Variants in ADAMTS5 observed in about 807,000 individuals in gnomAD.
ADAMTS5 encodes ADAM metallopeptidase with thrombospondin type 1 motif 5, also known as A disintegrin and metalloproteinase with thrombospondin motifs 5.
A neutral mutation model predicts 81.4 loss-of-function variants in ADAMTS5; 54 were observed. The observed-to-expected ratio is 0.66, with a 90% confidence interval of 0.53 to 0.83. The LOEUF (loss-of-function observed/expected upper bound fraction) is 0.83, where lower values mean the gene tolerates loss of function less well. ADAMTS5 is among the 40% of genes least tolerant of loss of function. The pLI, the probability that ADAMTS5 is intolerant of heterozygous loss-of-function variation, is 0.00. For synonymous variants in ADAMTS5, 532 were observed against 508.8 expected (o/e 1.05, Z -0.61); for missense variants, 1,194 against 1,229.9 (o/e 0.97, Z 0.44).
rs748491619 is a variant in ADAMTS5 at position 26,934,705 on chromosome 21, C to T, written c.1450G>A (p.Glu484Lys). ...TCGTAGGTCTGTCCTGGGAGTTCTT[C>T]GGGGCCCAGGATCTGCTTTCGTGGT... ...DLPRKQILGP[E>K]ELPGQTYDAT... is the part of the protein sequence containing the mutation. Residue 484 changes from glutamate to lysine, a missense_variant, in exon 4 of 8, where the codon GAA becomes AAA. This residue lies in a region of ADAMTS5 where 696 missense variants were observed against 817.6 expected (regional missense o/e 0.85). Coordinates refer to ENST00000284987, the MANE Select transcript of ADAMTS5 (RefSeq NM_007038.5). 41 of 1,614,024 alleles carry T rather than the reference C, an allele frequency of 2.5e-5. No individual in the cohort carries two copies. The highest frequency in any genetic ancestry group is 1.6e-4 in the Middle Eastern group (1 of 6,084).
chr21:26,927,916 G>A (rs562401927), intron 7 of ADAMTS5, among the ~76,000 whole-genome samples: 1 of 152,164 alleles, frequency 6.6e-6, no homozygotes, highest in South Asian at 2.1e-4. Context: ...GGATGGATGT[G>A]GGGTGTGAGA....
At position 26,923,214 on chromosome 21, in the gene ADAMTS5, A is replaced by G. The variant is rs1568836200; in HGVS notation, c.*839T>C. 6.6e-6 allele frequency: 1 copy of G among 152,172 alleles called. No individual in the cohort carries two copies. The highest frequency in any genetic ancestry group is 1.5e-5 in the Non-Finnish European group (1 of 68,018). The allele number at this position is 152,172 out of a possible 1,614,324, so 9.4% of individuals were successfully genotyped here. On this transcript the variant is annotated 3_prime_UTR_variant, in exon 8 of 8. Transcript: ENST00000284987. ...CGATTTTTTTCCTTTTAAATTTCCA[A>G]CACAAGGAAACTAGTTTTTAGACTC...
intron 3 of ADAMTS5, among the ~76,000 whole-genome samples, chr21:26,942,149 A>T (rs975441670): frequency 6.6e-6 from 1 of 152,144 alleles, no homozygotes; most frequent in African/African-American, 2.4e-5. Context: ...GTTCACCACG[A>T]ATGGAGCAAG....
intron 1 of ADAMTS5, among the ~76,000 whole-genome samples, chr21:26,961,207 T>C (rs550538581): frequency 7.9e-5 from 12 of 152,364 alleles, no homozygotes; most frequent in African/African-American, 2.6e-4. Flanking sequence ...TCTCTTCACA[T>C]GAATTCTGTC....
chr21:26,961,809 G>A (rs1987534119), intron 1 of ADAMTS5, among the ~76,000 whole-genome samples: 1 of 152,106 alleles, frequency 6.6e-6, no homozygotes, highest in African/African-American at 2.4e-5. Context: ...TCAAATATGT[G>A]ACTGAATTAG....
chr21:26,954,076 T>C (rs1318729367), intron 2 of ADAMTS5: 5 of 152,052 alleles, frequency 3.3e-5, no homozygotes, highest in Admixed American at 1.3e-4. Context: ...CCTAGTAATC[T>C]AGGTCAATAA....
chr21:26,928,767 A>G (rs1294092204), intron 7 of ADAMTS5, among the ~76,000 whole-genome samples: 1 of 128,336 alleles, frequency 7.8e-6, no homozygotes, highest in East Asian at 2.2e-4. Context: ...TGACCTGTGT[A>G]TTCTAGGATT....
chr21:26,954,630 G>A, intron 2 of ADAMTS5, 109 bp downstream of exon 2: 1 of 1,481,678 alleles, frequency 6.7e-7, no homozygotes, highest in African/African-American at 1.4e-5. Flanking sequence ...ATTCCCAGTG[G>A]TACATCTGAA....
intron 1 of ADAMTS5, among the ~76,000 whole-genome samples, chr21:26,964,731 A>G (rs1987602960): frequency 6.6e-6 from 1 of 152,198 alleles, no homozygotes; most frequent in East Asian, 1.9e-4. Flanking sequence ...CTCCATTAGG[A>G]ATCCAACCTG....
At position 26,965,882 on chromosome 21, in the gene ADAMTS5, G is replaced by A; in HGVS notation, c.510C>T (p.Arg170=). 5 of 1,613,852 alleles carry A rather than the reference G, an allele frequency of 3.1e-6. No homozygotes were observed. The highest frequency in any genetic ancestry group is 4.2e-6 in the Non-Finnish European group (5 of 1,179,914). The part of the protein sequence containing the change: ...HARYTLKPLL[R]GPWAEEEKGR... ...CCTTTTCTTCCTCCGCCCAGGGTCC[G>A]CGCAGCAGTGGCTTTAGGGTGTAGC... is the stretch of plus-strand genomic sequence containing the variant. The change falls in exon 1 of 8, where the codon CGC becomes CGT. Residue 170 remains arginine, a synonymous_variant. Transcript: ENST00000284987.
In ADAMTS5 at chr21:26,924,648, G is replaced by A. The variant is rs201170415; in HGVS notation, c.2226-28C>T. Reference sequence around the variant, plus strand: ...GGAAGTAGGAATGTTCACAGGAAGTGGGGGAAGGTGGTTAAAAAAAGGGAG... The same window carrying A: ...GGAAGTAGGAATGTTCACAGGAAGTAGGGGAAGGTGGTTAAAAAAAGGGAG... On this transcript the variant is annotated intron_variant, in intron 7 of 7. Transcript: ENST00000284987. 1,201 of 1,532,828 alleles carry A rather than the reference G, an allele frequency of 7.8e-4. 1 individual carries two copies. Among genetic ancestry groups the A allele is most frequent in the Non-Finnish European group, 1.0e-3 (1,134 of 1,136,064 alleles). The allele number at this position is 1,532,828 out of a possible 1,614,324, so 95.0% of individuals were successfully genotyped here. A position where few individuals can be genotyped will look rare whatever the true frequency, so the allele number is the denominator to read the frequency against.
chr21:26,929,830 G>A (rs1160273435), intron 7 of ADAMTS5, 56 bp downstream of exon 7: 2 of 1,535,956 alleles, frequency 1.3e-6, no homozygotes, highest in Non-Finnish European at 1.8e-6. Flanking sequence ...TATCAATTCT[G>A]CAAGAGTCTA....
intron 7 of ADAMTS5, among the ~76,000 whole-genome samples, chr21:26,926,689 C>T (rs1304831280): frequency 6.8e-6 from 1 of 148,128 alleles, no homozygotes; most frequent in Non-Finnish European, 1.5e-5. Context: ...AAAAAAAAGC[C>T]AGGCTCTTGA....
intron 2 of ADAMTS5, among the ~76,000 whole-genome samples, chr21:26,948,337 T>C (rs912104051): frequency 3.3e-5 from 5 of 152,236 alleles, no homozygotes; most frequent in African/African-American, 1.2e-4. Context: ...GATCCCAAAC[T>C]GACCAATGGT....
At chr21:26,946,404 C>G (rs1987216580) in intron 2 of ADAMTS5, among the ~76,000 whole-genome samples, 1 of 152,078 alleles carries the variant, frequency 6.6e-6, no homozygotes, top group Non-Finnish European at 1.5e-5. Context: ...ATACCAAAAG[C>G]TAACTACCAG....
At chr21:26,960,014 C>A (rs1304136873) in intron 1 of ADAMTS5, among the ~76,000 whole-genome samples, 1 of 152,152 alleles carries the variant, frequency 6.6e-6, no homozygotes, top group African/African-American at 2.4e-5. Flanking sequence ...TTTCTGTCTG[C>A]CTCCACTGTA....
At chr21:26,936,614 G>T (rs533399563) in intron 3 of ADAMTS5, among the ~76,000 whole-genome samples, 1 of 152,248 alleles carries the variant, frequency 6.6e-6, no homozygotes, top group Non-Finnish European at 1.5e-5. Context: ...AATGAATAAA[G>T]AGCAAAGTTC....
Position 26,965,654 on chromosome 21 carries a change from G to C in ADAMTS5, c.738C>G (p.Pro246=), listed in dbSNP as rs371149891. 6.9e-6 allele frequency: 11 copies of C among 1,593,048 alleles called. No homozygotes were observed. The highest frequency in any genetic ancestry group is 3.3e-4 in the Middle Eastern group (2 of 6,034). ...ACGTCTGCGGTCCTGAGCCCCCAGC[G>C]GGCGAGAGAGCGGACTGGTCCAAGA... ...SQLLDQSALS[P]AGGSGPQTWW... Residue 246 remains proline (P), a synonymous_variant, in exon 1 of 8, where the codon CCC becomes CCG. Transcript: ENST00000284987.
chr21:26,935,323 C>A (rs767076740), intron 3 of ADAMTS5, among the ~76,000 whole-genome samples: 11 of 152,118 alleles, frequency 7.2e-5, no homozygotes, highest in Non-Finnish European at 8.8e-5. Context: ...ATTTGTTCAG[C>A]ACCTACAATG....
Sources: gnomAD v4.1 joint callset for allele counts (sites outside exome capture counted in the v4.1 genomes callset) on GRCh38, gnomAD v4.1.1 for gene constraint, gnomAD v4.1.1 regional missense constraint, MANE v1.5 for transcripts, NCBI Gene and HGNC (gene_info 2026-07-23, HGNC 2026-07-21) for gene names.